Variants in SCN1A observed in about 807,000 individuals in gnomAD.
SCN1A encodes the protein sodium voltage-gated channel alpha subunit 1.
SCN1A carries 13 observed loss-of-function variants against 193.7 expected under a neutral mutation model. The ratio of observed to expected loss-of-function variants is 0.07; its 90% CI spans 0.04 to 0.11. The LOEUF (loss-of-function observed/expected upper bound fraction) is 0.11. Among genes scored for constraint, SCN1A ranks in the 10% least tolerant of loss-of-function variants. The pLI is 1.00. For missense variants in SCN1A, 1,432 were observed against 2,451.1 expected (o/e 0.58, Z 8.78); for synonymous variants, 781 against 843.6 (o/e 0.93, Z 1.29).
intron 13 of SCN1A, among the ~76,000 whole-genome samples, chr2:166,044,702 C>T (rs574464947): frequency 7.6e-4 from 104 of 136,252 alleles, no homozygotes; most frequent in African/African-American, 2.8e-3. Context: ...CATTCCTGAT[C>T]GACTATCCGG....
chr2:166,046,165 A>ATC (rs1206698574), intron 12 of SCN1A, among the ~76,000 whole-genome samples: 1 of 152,172 alleles, frequency 6.6e-6, no homozygotes, highest in Non-Finnish European at 1.5e-5. Context: ...GATGAGAGAG[A>ATC]TAGGAGAGGC....
chr2:166,004,057 C>T (rs1289289169), intron 23 of SCN1A, among the ~76,000 whole-genome samples: 2 of 151,458 alleles, frequency 1.3e-5, no homozygotes, highest in Non-Finnish European at 3.0e-5. Flanking sequence ...TTGAGTTATC[C>T]AGGCAGAACC....
At chr2:166,002,416 T>C in intron 24 of SCN1A, 56 bp downstream of exon 24, 1 of 1,514,020 alleles carries the variant, frequency 6.6e-7, no homozygotes, top group African/African-American at 1.4e-5. Context: ...TGTATGTCAT[T>C]ATTTTGTTAT....
intron 19 of SCN1A, among the ~76,000 whole-genome samples, chr2:166,016,833 C>T (rs926838594): frequency 3.3e-5 from 5 of 151,754 alleles, no homozygotes; most frequent in African/African-American, 9.7e-5. Flanking sequence ...CCAGTGCACA[C>T]AGCAGCAAGC....
At chr2:166,087,182 A>C (rs1404203335) in intron 2 of SCN1A, among the ~76,000 whole-genome samples, 2 of 148,618 alleles carry the variant, frequency 1.3e-5, no homozygotes, top group Admixed American at 6.7e-5. Context: ...AAAAAAAAAG[A>C]GCAGCCTGGC....
In SCN1A at chr2:165,990,220, A is replaced by G. The variant is rs10497275; in HGVS notation, c.*1025T>C. On this transcript the variant is annotated 3_prime_UTR_variant, in exon 29 of 29. Transcript: ENST00000674923. ...ATGCAATAAATACTGTGCTTAGGTC[A>G]TTATTTGTTTGCTCAAACGTGCACC... 0.14 allele frequency: 20,962 copies of G among 152,572 alleles called. 1,831 individuals are homozygous for G. The highest frequency in any genetic ancestry group is 0.33 in the East Asian group (1,727 of 5,160). The allele number at this position is 152,572 out of a possible 1,614,324, so 9.5% of individuals were successfully genotyped here.
intron 2 of SCN1A, among the ~76,000 whole-genome samples, chr2:166,096,152 G>T (rs1469018412): frequency 6.6e-6 from 1 of 152,112 alleles, no homozygotes; most frequent in Admixed American, 6.5e-5. Flanking sequence ...AAGAGTTATT[G>T]ACTCCACAGA....
At chr2:166,049,416 G>A (rs966360238) in intron 9 of SCN1A, among the ~76,000 whole-genome samples, 3 of 151,266 alleles carry the variant, frequency 2.0e-5, no homozygotes, top group South Asian at 2.1e-4. Context: ...TGGTCCTCTC[G>A]CCTATATTTT....
intron 16 of SCN1A, 117 bp from the exon 17 acceptor site, chr2:166,039,713 A>G (rs1696905877): frequency 2.2e-6 from 2 of 888,958 alleles, no homozygotes; most frequent in South Asian, 3.1e-5. Flanking sequence ...TTACTAACTT[A>G]AATTTGTATG....
chr2:166,055,762 A>G (rs1304761623), intron 6 of SCN1A, among the ~76,000 whole-genome samples: 1 of 151,970 alleles, frequency 6.6e-6, no homozygotes, highest in Non-Finnish European at 1.5e-5. Context: ...AGTTATCACA[A>G]ATCTGGCCTC....
At chr2:166,050,629 A>ATATATATATATATG (rs1553548949) in intron 9 of SCN1A, among the ~76,000 whole-genome samples, 2 of 79,148 alleles carry the variant, frequency 2.5e-5, no homozygotes, top group African/African-American at 1.1e-4. Flanking sequence ...ATATATATAT[A>ATATATATATATATG]TATATATATG....
intron 23 of SCN1A, 82 bp from the exon 24 acceptor site, chr2:166,002,835 C>A: frequency 8.8e-7 from 1 of 1,133,050 alleles, no homozygotes; most frequent in South Asian, 1.7e-5. Flanking sequence ...AATCTCTGGT[C>A]TTTCCATTCT....
chr2:166,092,848 G>A (rs535493368), intron 2 of SCN1A, among the ~76,000 whole-genome samples: 1 of 152,154 alleles, frequency 6.6e-6, no homozygotes, highest in South Asian at 2.1e-4. Flanking sequence ...TATAAAATGG[G>A]AATAATTTTT....
chr2:166,094,668 T>G (rs1687181262), intron 2 of SCN1A, among the ~76,000 whole-genome samples: 1 of 152,186 alleles, frequency 6.6e-6, no homozygotes, highest in Admixed American at 6.5e-5. Flanking sequence ...TTCTAATAAT[T>G]TAGTTGCTAC....
chr2:166,022,374 C>T (rs1694185476), intron 19 of SCN1A, among the ~76,000 whole-genome samples: 1 of 149,472 alleles, frequency 6.7e-6, no homozygotes, highest in Non-Finnish European at 1.5e-5. Flanking sequence ...TCACCAACAC[C>T]ACTAGTAACT....
intron 8 of SCN1A, 65 bp downstream of exon 8, chr2:166,052,787 T>C: frequency 1.6e-6 from 2 of 1,271,774 alleles, no homozygotes; most frequent in Non-Finnish European, 2.3e-6. Context: ...TAAAACTGAA[T>C]GTCAAGCAGA....
chr2:166,110,414 A>G (rs1281045055), intron 2 of SCN1A, among the ~76,000 whole-genome samples: 18 of 152,208 alleles, frequency 1.2e-4, no homozygotes, highest in Admixed American at 1.2e-3. Context: ...CAGTGAACAC[A>G]AAAATGATAA....
At chr2:166,103,637 A>G (rs1389775045) in intron 2 of SCN1A, among the ~76,000 whole-genome samples, 1 of 152,080 alleles carries the variant, frequency 6.6e-6, no homozygotes, top group Non-Finnish European at 1.5e-5. Context: ...TGGGTTTTGT[A>G]AAATAAAAGG....
chr2:166,047,534 C>T (rs1697985150), intron 11 of SCN1A, 93 bp downstream of exon 11: 2 of 1,404,976 alleles, frequency 1.4e-6, no homozygotes, highest in Admixed American at 1.7e-5. Context: ...TCTGCTCTTT[C>T]TACTATATTA....
Sources: allele counts gnomAD v4.1 joint callset (sites outside exome capture counted in the v4.1 genomes callset), GRCh38; gene constraint gnomAD v4.1.1; transcripts MANE v1.5; gene names NCBI Gene and HGNC (gene_info 2026-07-23, HGNC 2026-07-21).